LGR6: variants seen among roughly 807,000 people sequenced by gnomAD.
The protein encoded by LGR6 is leucine rich repeat containing G protein-coupled receptor 6.
Under a neutral mutation model 69.4 loss-of-function variants are expected in LGR6, and 45 were observed. That is an observed-to-expected ratio of 0.65 (90% CI 0.51 to 0.83). The LOEUF (loss-of-function observed/expected upper bound fraction) is 0.83, where lower values mean the gene tolerates loss of function less well. LGR6 is among the 40% of genes least tolerant of loss of function. The pLI is 0.00. For missense variants in LGR6, 1,108 were observed against 1,246.7 expected, an observed-to-expected ratio of 0.89 and a Z score of 1.68; for synonymous variants, 538 against 555.0, an observed-to-expected ratio of 0.97 and a Z score of 0.43.
intron 1 of LGR6, among the ~76,000 whole-genome samples, chr1:202,223,156 A>G (rs988802365): frequency 2.0e-5 from 3 of 152,166 alleles, no homozygotes; most frequent in Admixed American, 6.5e-5. Context: ...ACCTGAAACT[A>G]TGGCCACAGC....
At chr1:202,274,775 G>T (rs1665399627) in intron 4 of LGR6, among the ~76,000 whole-genome samples, 1 of 152,192 alleles carries the variant, frequency 6.6e-6, no homozygotes, top group Non-Finnish European at 1.5e-5. Context: ...GCCACCACTG[G>T]AGAACCATGT....
At chr1:202,312,389 G>A (rs1653812801) in intron 16 of LGR6, among the ~76,000 whole-genome samples, 1 of 152,244 alleles carries the variant, frequency 6.6e-6, no homozygotes, top group Non-Finnish European at 1.5e-5. Flanking sequence ...GGGAGTGAAA[G>A]GTAGAGAGGA....
At chr1:202,198,108 T>C (rs1039901100) in intron 1 of LGR6, among the ~76,000 whole-genome samples, 6 of 152,194 alleles carry the variant, frequency 3.9e-5, no homozygotes, top group African/African-American at 1.4e-4. Context: ...ACTGGACTTG[T>C]TTGACAGGTT....
chr1:202,198,854 A>T (rs921401799), intron 1 of LGR6, among the ~76,000 whole-genome samples: 2 of 151,452 alleles, frequency 1.3e-5, no homozygotes, highest in Non-Finnish European at 2.9e-5. Context: ...CTTGGAGAGG[A>T]TGTGTTGTGA....
chr1:202,280,166 A>G (rs1315532538), intron 5 of LGR6, among the ~76,000 whole-genome samples: 4 of 152,008 alleles, frequency 2.6e-5, no homozygotes, highest in Non-Finnish European at 5.9e-5. Context: ...TTCAAGCTGC[A>G]TCACTTCGGG....
At chr1:202,214,986 C>G (rs1659664990) in intron 1 of LGR6, among the ~76,000 whole-genome samples, 1 of 126,720 alleles carries the variant, frequency 7.9e-6, no homozygotes, top group East Asian at 2.7e-4. Flanking sequence ...TTTGGGTGCA[C>G]CTGGGTGTGT....
Position 202,318,772 on chromosome 1 carries a change from C to A in LGR6, c.2469C>A (p.Asn823Lys). The change falls in exon 18 of 18, where the codon AAC becomes AAA. Residue 823 changes from asparagine (N) to lysine (K), a missense_variant. By Grantham distance (94) the Asn-to-Lys change is moderately conservative. Coordinates refer to ENST00000367278, the MANE Select transcript of LGR6 (RefSeq NM_001017403.2). Reference protein sequence around the residue: ...LVVLPLPACLNPLLYLLFNPH... With the variant: ...LVVLPLPACLKPLLYLLFNPH... ...TGCTGCCCCTGCCTGCCTGCCTCAA[C>A]CCACTGCTGTACCTGCTCTTCAACC... 1 of 1,613,786 alleles carries A rather than the reference C, an allele frequency of 6.2e-7. No individual in the cohort carries two copies. Among genetic ancestry groups the A allele is most frequent in the Non-Finnish European group, 8.5e-7 (1 of 1,180,032 alleles).
chr1:202,198,678 T>G (rs1431529256), intron 1 of LGR6, among the ~76,000 whole-genome samples: 2,565 of 101,946 alleles, frequency 0.025, 82 homozygotes, highest in African/African-American at 0.065. Flanking sequence ...GTTTTTTTTT[T>G]TTTTTTTTTT....
intron 4 of LGR6, among the ~76,000 whole-genome samples, chr1:202,240,267 G>A (rs1390667368): frequency 6.6e-6 from 1 of 151,486 alleles, no homozygotes; most frequent in Non-Finnish European, 1.5e-5. Context: ...CCAGCTACTT[G>A]AGAGGCTGAG....
chr1:202,232,004 A>T (rs1558020751), intron 3 of LGR6, among the ~76,000 whole-genome samples: 1 of 152,076 alleles, frequency 6.6e-6, no homozygotes, highest in Admixed American at 6.5e-5. Context: ...AGGCAGGAGA[A>T]TCACTTGAGC....
intron 9 of LGR6, 88 bp downstream of exon 9, chr1:202,301,323 T>A: frequency 8.6e-7 from 1 of 1,158,166 alleles, no homozygotes; most frequent in Non-Finnish European, 1.3e-6. Flanking sequence ...CCTGCGGATC[T>A]CTCCCTTGCA....
intron 6 of LGR6, among the ~76,000 whole-genome samples, chr1:202,296,152 G>T (rs1311868112): frequency 6.6e-6 from 1 of 152,144 alleles, no homozygotes; most frequent in Non-Finnish European, 1.5e-5. Flanking sequence ...CATGAAGGTT[G>T]TCAGGGCAGG....
chr1:202,297,336 A>C (rs1667234162), intron 6 of LGR6, among the ~76,000 whole-genome samples, 172 bp from the exon 7 acceptor site: 1 of 152,216 alleles, frequency 6.6e-6, no homozygotes, highest in Non-Finnish European at 1.5e-5. Context: ...TTTGTGGAAT[A>C]GGATTGGAGC....
At chr1:202,209,706 C>T (rs1034034426) in intron 1 of LGR6, among the ~76,000 whole-genome samples, 3 of 152,192 alleles carry the variant, frequency 2.0e-5, no homozygotes, top group African/African-American at 7.2e-5. Flanking sequence ...GCCTTTCACT[C>T]GAAGTATGGT....
intron 4 of LGR6, among the ~76,000 whole-genome samples, chr1:202,237,470 A>C (rs1345959451): frequency 1.3e-5 from 2 of 152,274 alleles, no homozygotes; most frequent in Non-Finnish European, 2.9e-5. Context: ...GAAAAAAATT[A>C]GACTTTCACT....
chr1:202,248,546 G>A (rs1354358775), intron 4 of LGR6, among the ~76,000 whole-genome samples: 3 of 152,130 alleles, frequency 2.0e-5, no homozygotes, highest in African/African-American at 4.8e-5. Context: ...TCCCTTAAAC[G>A]ACTCTAGCAA....
chr1:202,301,963 G>A (rs1166770337), intron 9 of LGR6, among the ~76,000 whole-genome samples: 1 of 152,182 alleles, frequency 6.6e-6, no homozygotes, highest in Non-Finnish European at 1.5e-5. Flanking sequence ...AGGTTACAGT[G>A]AGCCGAGATC....
chr1:202,242,354 C>A (rs1177390508), intron 4 of LGR6, among the ~76,000 whole-genome samples: 1 of 152,130 alleles, frequency 6.6e-6, no homozygotes, highest in Non-Finnish European at 1.5e-5. Flanking sequence ...AAACTATAAT[C>A]TTTAGGATCC....
intron 4 of LGR6, among the ~76,000 whole-genome samples, chr1:202,271,838 GGA>G (rs1665135717): frequency 6.6e-6 from 1 of 151,660 alleles, no homozygotes; most frequent in African/African-American, 2.4e-5. Context: ...AAGAGAGAGG[GGA>G]GAGAGGAGAA....
Sources: allele counts gnomAD v4.1 joint callset (sites outside exome capture counted in the v4.1 genomes callset), GRCh38; gene constraint gnomAD v4.1.1; transcripts MANE v1.5; gene names NCBI Gene and HGNC (gene_info 2026-07-23, HGNC 2026-07-21).